DDIAS: variants seen among roughly 807,000 people sequenced by gnomAD.
The protein encoded by DDIAS is DNA damage-induced apoptosis suppressor protein.
DDIAS carries 14 observed loss-of-function variants against 15.7 expected under a neutral mutation model. The observed-to-expected ratio is 0.89, with a 90% CI of 0.59 to 1.39. The LOEUF (loss-of-function observed/expected upper bound fraction) is 1.39, where lower values mean the gene tolerates loss of function less well. Ranked by LOEUF, DDIAS falls within the 40% of genes most tolerant of loss-of-function variation. DDIAS has a pLI of 0.00. For synonymous variants in DDIAS, 355 were observed against 395.9 expected, an observed-to-expected ratio of 0.90 and a Z score of 1.23; for missense variants, 1,035 against 1,130.9, an observed-to-expected ratio of 0.92 and a Z score of 1.22.
rs548330040 is a variant in DDIAS, at chr11:82,925,717, G to A, written c.114-3060G>A. On this transcript the variant is annotated intron_variant, in intron 3 of 5. Coordinates refer to ENST00000533655, the MANE Select transcript of DDIAS (RefSeq NM_145018.4). ...TAATTCGACTATGGTAGCCAGGTGC[G>A]GTGGCTCACACCTGTAATCCCAGCA... Among the ~76,000 whole-genome samples the A allele has an allele frequency of 3.3e-5, 5 of 152,238 alleles. 1 individual carries two copies. Among genetic ancestry groups the A allele is most frequent in the East Asian group, 3.9e-4 (2 of 5,176 alleles).
intron 3 of DDIAS, among the ~76,000 whole-genome samples, chr11:82,918,612 A>G (rs1169267927): frequency 1.3e-5 from 2 of 152,166 alleles, no homozygotes; most frequent in Non-Finnish European, 2.9e-5. Context: ...TAATTCTGTG[A>G]AGAATGATGG....
At chr11:82,913,687 A>G in intron 2 of DDIAS, 1 of 445,700 alleles carries the variant, frequency 2.2e-6, no homozygotes, top group Non-Finnish European at 4.5e-6. Context: ...AATCTAATAA[A>G]GTGATATTTC....
At position 82,931,820 on chromosome 11, in the gene DDIAS, T is replaced by C; in HGVS notation, c.482T>C (p.Val161Ala). The change falls in exon 6 of 6, where the codon GTG (valine) becomes GCG (alanine). Residue 161 changes from valine to alanine, a missense_variant. Coordinates refer to ENST00000533655, the MANE Select transcript of DDIAS (RefSeq NM_145018.4). Reference protein sequence around the residue: ...SDHKRKAKALVACQIVLPDPG... With the variant: ...SDHKRKAKALAACQIVLPDPG... Reference sequence around the variant, plus strand: ...CACAAAAGAAAAGCCAAAGCACTAGTGGCTTGCCAGATTGTTCTACCAGAC... The same window carrying C: ...CACAAAAGAAAAGCCAAAGCACTAGCGGCTTGCCAGATTGTTCTACCAGAC... The C allele has an allele frequency of 6.2e-7, 1 of 1,614,236 alleles. No individual in the cohort carries two copies. The highest frequency in any genetic ancestry group is 8.5e-7 in the Non-Finnish European group (1 of 1,180,022).
Position 82,932,976 on chromosome 11 carries a change from A to C in DDIAS, c.1638A>C (p.Ser546=), listed in dbSNP as rs748258569. 2 of 1,612,138 alleles carry C rather than the reference A, an allele frequency of 1.2e-6. No homozygotes were observed. The highest frequency in any genetic ancestry group is 2.7e-5 in the African/African-American group (2 of 74,924). The part of the protein sequence containing the change: ...NPYLSALSSS[S]KDLETIVTLK... ...ACCTGTCAGCTCTGTCTTCATCTTC[A>C]AAAGATTTAGAAACAATAGTTACTC... is the stretch of plus-strand genomic sequence containing the variant. Residue 546 remains serine, a synonymous_variant, in exon 6 of 6, where the codon TCA becomes TCC. Coordinates refer to ENST00000533655, the MANE Select transcript of DDIAS (RefSeq NM_145018.4).
chr11:82,932,336 G>T lies in DDIAS; in HGVS notation c.998G>T (p.Gly333Val). 1.9e-6 allele frequency: 3 copies of T among 1,614,026 alleles called. No homozygotes were observed. The highest frequency in any genetic ancestry group is 2.5e-6 in the Non-Finnish European group (3 of 1,179,924). The part of the protein sequence containing the change: ...SAVHSSHHEI[G>V]VNDSNLFSLE... ...GTTCACAGCAGTCATCATGAAATTG[G>T]AGTTAATGACTCTAATTTATTCTCT... is the stretch of plus-strand genomic sequence containing the variant. The change falls in exon 6 of 6, where the codon GGA becomes GTA. Residue 333 changes from glycine (G) to valine (V), a missense_variant. Transcript: ENST00000533655.
At chr11:82,912,401 C>G (rs1310427244) in intron 1 of DDIAS, among the ~76,000 whole-genome samples, 1 of 152,172 alleles carries the variant, frequency 6.6e-6, no homozygotes, top group African/African-American at 2.4e-5. Context: ...GCTGCTTTAC[C>G]TTGCAGCAAG....
At chr11:82,931,525 TG>T (rs1860985120) in intron 5 of DDIAS, among the ~76,000 whole-genome samples, 1 of 151,822 alleles carries the variant, frequency 6.6e-6, no homozygotes, top group Non-Finnish European at 1.5e-5. Context: ...CTAATTTTTG[TG>T]GGGGTATTTT....
intron 1 of DDIAS, among the ~76,000 whole-genome samples, chr11:82,912,159 C>T (rs1226644155): frequency 2.0e-5 from 3 of 152,150 alleles, no homozygotes; most frequent in African/African-American, 7.2e-5. Flanking sequence ...TATCAAGACA[C>T]CAGCTGCATT....
intron 3 of DDIAS, among the ~76,000 whole-genome samples, chr11:82,923,825 T>A (rs1007411513): frequency 1.3e-5 from 2 of 152,136 alleles, no homozygotes; most frequent in Non-Finnish European, 2.9e-5. Flanking sequence ...TAAAAAAAAA[T>A]GTGTACAAAG....
intron 3 of DDIAS, among the ~76,000 whole-genome samples, chr11:82,926,840 T>G (rs577532145): frequency 2.0e-5 from 3 of 152,292 alleles, no homozygotes; most frequent in African/African-American, 7.2e-5. Flanking sequence ...AATAAATATC[T>G]TCATTATACA....
intron 1 of DDIAS, among the ~76,000 whole-genome samples, chr11:82,910,928 A>G (rs1860521060): frequency 6.6e-6 from 1 of 152,222 alleles, no homozygotes; most frequent in Non-Finnish European, 1.5e-5. Context: ...TAAAGCAAAT[A>G]TTGCAGTAAA....
intron 3 of DDIAS, among the ~76,000 whole-genome samples, chr11:82,919,538 A>G (rs933020460): frequency 6.6e-6 from 1 of 152,226 alleles, no homozygotes; most frequent in Non-Finnish European, 1.5e-5. Context: ...ATGTTCATCA[A>G]GGATATCGGG....
chr11:82,904,989 C>T lies in DDIAS; in HGVS notation c.-117+3167C>T, dbSNP rs1164696827. 1.1e-4 allele frequency among the ~76,000 whole-genome samples: 16 copies of T among 152,212 alleles called. No individual in the cohort carries two copies. The East Asian group carries it at 1.3e-3, about 13-fold the overall frequency. Reference sequence around the variant, plus strand: ...TCCCTTCCCTGTGATGGTAATTTTTCGTGGTAAATTAGTAGAACATCTTTG... The same window carrying T: ...TCCCTTCCCTGTGATGGTAATTTTTTGTGGTAAATTAGTAGAACATCTTTG... On this transcript the variant is annotated intron_variant, in intron 1 of 5. Coordinates refer to ENST00000533655, the MANE Select transcript of DDIAS (RefSeq NM_145018.4).
intron 5 of DDIAS, among the ~76,000 whole-genome samples, chr11:82,930,784 T>G (rs1860966229): frequency 1.3e-5 from 2 of 150,052 alleles, no homozygotes; most frequent in South Asian, 2.1e-4. Context: ...TTTGAAGGAG[T>G]AATAGTTTTC....
intron 1 of DDIAS, among the ~76,000 whole-genome samples, chr11:82,912,721 A>G (rs1274405895): frequency 2.0e-5 from 3 of 152,166 alleles, no homozygotes; most frequent in Non-Finnish European, 4.4e-5. Context: ...CAACTTGGCT[A>G]TTTAGCACAA....
chr11:82,920,019 G>A (rs937589747), intron 3 of DDIAS, among the ~76,000 whole-genome samples: 8 of 152,256 alleles, frequency 5.3e-5, no homozygotes, highest in Non-Finnish European at 8.8e-5. Flanking sequence ...CACCACGCCC[G>A]GCCTTTTGTT....
chr11:82,932,680 G>A lies in DDIAS; in HGVS notation c.1342G>A (p.Asp448Asn). Residue 448 changes from aspartate (D) to asparagine (N), a missense_variant, in exon 6 of 6, where the codon GAT becomes AAT. Asp to Asn is a conservative substitution (Grantham distance 23). Transcript: ENST00000533655. ...TGTCAGTAGTAGGAAACATCATGTA[G>A]ATAATGACATTGATAAATTTCATGC... ...ADVSSRKHHV[D>N]NDIDKFHADH... 4 of 1,614,018 alleles carry A rather than the reference G, an allele frequency of 2.5e-6. No homozygotes were observed. In the East Asian group the frequency reaches 8.9e-5, roughly 36 times the overall value.
At chr11:82,923,799 CAT>C (rs949643156) in intron 3 of DDIAS, among the ~76,000 whole-genome samples, 5 of 152,086 alleles carry the variant, frequency 3.3e-5, no homozygotes, top group South Asian at 2.1e-4. Flanking sequence ...AATATACAAA[CAT>C]AGACATACAT....
At chr11:82,921,642 A>G (rs2121344423) in intron 3 of DDIAS, among the ~76,000 whole-genome samples, 1 of 139,088 alleles carries the variant, frequency 7.2e-6, no homozygotes. Flanking sequence ...AAGTGGTGCA[A>G]TCTCGTCTCA....
Sources: gnomAD v4.1 joint callset for allele counts (sites outside exome capture counted in the v4.1 genomes callset) on GRCh38, gnomAD v4.1.1 for gene constraint, MANE v1.5 for transcripts, NCBI Gene and HGNC (gene_info 2026-07-23, HGNC 2026-07-21) for gene names.